Variants in FOXP1 observed in about 807,000 individuals in gnomAD.
FOXP1 encodes forkhead box P1.
In FOXP1, 15 loss-of-function variants were observed where a neutral mutation model predicts 98.2. That is an observed-to-expected ratio of 0.15 (90% CI 0.10 to 0.24). The LOEUF (loss-of-function observed/expected upper bound fraction) is 0.24, where lower values mean the gene tolerates loss of function less well. Ranked by LOEUF, FOXP1 falls within the 10% of genes least tolerant of loss-of-function variation. The probability of loss-of-function intolerance (pLI) is 1.00; values close to 1 mark genes in which losing one functional copy is unlikely to be tolerated. For synonymous variants in FOXP1, 371 were observed against 314.5 expected, an observed-to-expected ratio of 1.18 and a Z score of -1.90; for missense variants, 633 against 848.5, an observed-to-expected ratio of 0.75 and a Z score of 3.15.
chr3:71,405,700 G>A (rs548716646), intron 3 of FOXP1, among the ~76,000 whole-genome samples: 127 of 152,136 alleles, frequency 8.3e-4, no homozygotes, highest in African/African-American at 3.0e-3. Context: ...GTCTAAGATC[G>A]AGGGTCCAGG....
chr3:71,000,884 G>A (rs1261439899), intron 13 of FOXP1, 88 bp downstream of exon 13: 2 of 780,106 alleles, frequency 2.6e-6, no homozygotes, highest in African/African-American at 3.4e-5. Context: ...ATTCAATAAT[G>A]AGTACACAGG....
chr3:71,039,233 A>T (rs1302944332), intron 11 of FOXP1, among the ~76,000 whole-genome samples: 1 of 152,156 alleles, frequency 6.6e-6, no homozygotes, highest in Non-Finnish European at 1.5e-5. Flanking sequence ...GCTCATTGGA[A>T]TCTGAATTCT....
At chr3:71,554,231 G>T (rs1246020614) in intron 2 of FOXP1, among the ~76,000 whole-genome samples, 1 of 152,140 alleles carries the variant, frequency 6.6e-6, no homozygotes, top group Non-Finnish European at 1.5e-5. Flanking sequence ...GTGCACACTT[G>T]TGGTCCCAGC....
chr3:71,232,980 CTACTAA>C (rs1156406691), intron 5 of FOXP1, among the ~76,000 whole-genome samples: 2 of 148,974 alleles, frequency 1.3e-5, no homozygotes, highest in Non-Finnish European at 3.0e-5. Context: ...ACTACTACTA[CTACTAA>C]TAATAATAAA....
chr3:71,170,637 G>A (rs1415443367), intron 6 of FOXP1, among the ~76,000 whole-genome samples: 1 of 152,144 alleles, frequency 6.6e-6, no homozygotes, highest in African/African-American at 2.4e-5. Context: ...ATGTTTTATT[G>A]CTCGCGTATT....
chr3:71,423,128 G>T (rs1168255527), intron 3 of FOXP1, among the ~76,000 whole-genome samples: 2 of 152,154 alleles, frequency 1.3e-5, no homozygotes, highest in Non-Finnish European at 2.9e-5. Context: ...ACACCTCCAA[G>T]TCCCCAGAGA....
chr3:71,237,741 A>G (rs2066921273), intron 5 of FOXP1, among the ~76,000 whole-genome samples: 1 of 152,250 alleles, frequency 6.6e-6, no homozygotes, highest in African/African-American at 2.4e-5. Flanking sequence ...ACATGGGGAT[A>G]TGTGTAAACA....
At chr3:71,090,587 T>C (rs2055701441) in intron 7 of FOXP1, among the ~76,000 whole-genome samples, 1 of 152,202 alleles carries the variant, frequency 6.6e-6, no homozygotes, top group African/African-American at 2.4e-5. Context: ...TACTCCCTGA[T>C]CTTCTTTGCA....
chr3:71,339,254 T>C (rs556263765), intron 4 of FOXP1, among the ~76,000 whole-genome samples: 1 of 152,360 alleles, frequency 6.6e-6, no homozygotes, highest in African/African-American at 2.4e-5. Flanking sequence ...TTATAAGAAC[T>C]GCAAATTAAC....
chr3:71,016,781 T>C (rs1360478923), intron 11 of FOXP1, among the ~76,000 whole-genome samples: 2 of 152,136 alleles, frequency 1.3e-5, no homozygotes, highest in Non-Finnish European at 2.9e-5. Flanking sequence ...ATAGAGCATA[T>C]GTACACAAAT....
intron 2 of FOXP1, chr3:71,581,239 T>C: frequency 1.0e-6 from 1 of 985,202 alleles, no homozygotes; most frequent in Non-Finnish European, 1.2e-6. Flanking sequence ...TTAATAGTTA[T>C]AAGAGGGGAG....
chr3:71,126,855 G>GAAAAAAAAAAAAACAAACAAAAAAAAA (rs757099344), intron 6 of FOXP1, among the ~76,000 whole-genome samples: 1 of 103,836 alleles, frequency 9.6e-6, no homozygotes, highest in African/African-American at 4.0e-5. Flanking sequence ...AAACCAAAAA[G>GAAAAAAAAAAAAACAAACAAAAAAAAA]AAAAAAAAAA....
At chr3:71,436,730 T>C (rs1198680644) in intron 3 of FOXP1, among the ~76,000 whole-genome samples, 4 of 151,434 alleles carry the variant, frequency 2.6e-5, no homozygotes, top group African/African-American at 7.3e-5. Context: ...AGAATGATGA[T>C]GAGAATACAC....
intron 5 of FOXP1, among the ~76,000 whole-genome samples, chr3:71,242,209 T>C (rs977802500): frequency 6.6e-6 from 1 of 152,210 alleles, no homozygotes; most frequent in Non-Finnish European, 1.5e-5. Flanking sequence ...CCCATATTCA[T>C]TTAAAAGACA....
Position 71,153,161 on chromosome 3 carries a change from G to A in FOXP1, c.181-40524C>T, listed in dbSNP as rs989656630. Reference sequence around the variant, plus strand: ...ACAGAGGGGTACCCGGCAATTGTGCGGCACTTGGTGAAGGCGCCTCCCACA... The same window carrying A: ...ACAGAGGGGTACCCGGCAATTGTGCAGCACTTGGTGAAGGCGCCTCCCACA... On this transcript the variant is annotated intron_variant, in intron 6 of 20. Transcript: ENST00000649528. Among the ~76,000 whole-genome samples the A allele has an allele frequency of 2.0e-5, 3 of 152,112 alleles. No homozygotes were observed. In the East Asian group the frequency reaches 5.8e-4, roughly 29 times the overall value.
intron 2 of FOXP1, among the ~76,000 whole-genome samples, chr3:71,563,981 C>T (rs1306415481): frequency 6.6e-6 from 1 of 152,214 alleles, no homozygotes; most frequent in East Asian, 1.9e-4. Flanking sequence ...GGTGATAATG[C>T]TTGTATATTA....
At chr3:71,331,808 T>C (rs1479396899) in intron 4 of FOXP1, among the ~76,000 whole-genome samples, 1 of 152,222 alleles carries the variant, frequency 6.6e-6, no homozygotes, top group Non-Finnish European at 1.5e-5. Flanking sequence ...CCTCAAGGTT[T>C]GTCAACACAC....
intron 3 of FOXP1, among the ~76,000 whole-genome samples, chr3:71,388,099 T>A (rs2080732405): frequency 1.3e-5 from 2 of 152,246 alleles, no homozygotes; most frequent in African/African-American, 4.8e-5. Flanking sequence ...TAACTTTATT[T>A]TTTTTAATGT....
chr3:71,140,479 T>C (rs565079103), intron 6 of FOXP1, among the ~76,000 whole-genome samples: 1 of 152,358 alleles, frequency 6.6e-6, no homozygotes, highest in East Asian at 1.9e-4. Context: ...AAAAGCTCTG[T>C]TGTTAAGATG....
Sources: allele counts gnomAD v4.1 joint callset (sites outside exome capture counted in the v4.1 genomes callset), GRCh38; gene constraint gnomAD v4.1.1; transcripts MANE v1.5; gene names NCBI Gene and HGNC (gene_info 2026-07-23, HGNC 2026-07-21).